Variants in TBX4 observed in about 807,000 individuals in gnomAD.
The protein encoded by TBX4 is T-box transcription factor 4, also known as T-box transcription factor TBX4.
In TBX4, 13 loss-of-function variants were observed where a neutral mutation model predicts 54.6. The ratio of observed to expected loss-of-function variants is 0.24; its 90% confidence interval spans 0.15 to 0.38. The LOEUF is 0.38. Ranked by LOEUF, TBX4 falls within the 10% of genes least tolerant of loss-of-function variation. The probability of loss-of-function intolerance (pLI) is 1.00; values close to 1 mark genes in which losing one functional copy is unlikely to be tolerated. For missense variants in TBX4, 631 were observed against 728.5 expected (o/e 0.87, Z 1.54); for synonymous variants, 314 against 306.7 (o/e 1.02, Z -0.25).
rs76316522 is a variant in TBX4 at position 61,465,649 on chromosome 17, C to T, written c.282-170C>T. The stretch of plus-strand genomic sequence containing the variant: ...CCAGTGCCACCTTTTCACTGTGCAG[C>T]TCGGGCAGAGGGGGAAGTGAGTTGT... On this transcript the variant is annotated intron_variant, in intron 3 of 8. Transcript: ENST00000644296. The surrounding 1 kb of genome is among the most constrained non-coding windows in gnomAD (Gnocchi z 4.9). The T allele has an allele frequency of 0.041, 33,571 of 817,070 alleles. 892 individuals carry two copies. Among genetic ancestry groups the T allele is most frequent in the Middle Eastern group, 0.078 (208 of 2,650 alleles). 50.6% of individuals were successfully genotyped at this position (817,070 alleles called of 1,614,324 possible). A position where few individuals can be genotyped will look rare whatever the true frequency, so the allele number is the denominator to read the frequency against.
At position 61,484,755 on chromosome 17, in the gene TBX4, A is replaced by AATAT. The variant is rs1425511753; in HGVS notation, c.*1246_*1249dup. The AATAT allele has an allele frequency of 6.7e-5, 10 of 148,240 alleles. No homozygotes were observed. Among genetic ancestry groups the AATAT allele is most frequent in the South Asian group, 2.1e-4 (1 of 4,766 alleles). The allele number at this position is 148,240 out of a possible 1,614,324, so 9.2% of individuals were successfully genotyped here. On this transcript the variant is annotated 3_prime_UTR_variant, in exon 9 of 9. Transcript: ENST00000644296. The surrounding 1 kb of genome is among the most constrained non-coding windows in gnomAD (Gnocchi z 4.1). Reference sequence around the variant, plus strand: ...TATTTATATATTATATAAATAAATAAATATATATATTATATATCGCTCTCT... The same window carrying AATAT: ...TATTTATATATTATATAAATAAATAAATATATATATATATTATATATCGCTCTCT...
In TBX4 at chr17:61,483,039, C is replaced by G; in HGVS notation, c.1164C>G (p.Thr388=). 2 of 1,614,092 alleles carry G rather than the reference C, an allele frequency of 1.2e-6. No homozygotes were observed. Among genetic ancestry groups the G allele is most frequent in the Non-Finnish European group, 1.7e-6 (2 of 1,180,012 alleles). ...MLSPSYCSEV[T]PREACMYSGS... ...GCCCCTCCTACTGCAGTGAGGTGACCCCCAGAGAAGCATGTATGTACTCAG... is the reference window on the plus strand; with the variant it reads ...GCCCCTCCTACTGCAGTGAGGTGACGCCCAGAGAAGCATGTATGTACTCAG... The change falls in exon 9 of 9, where the codon ACC becomes ACG. Residue 388 remains threonine, a synonymous_variant. Transcript: ENST00000644296. This position sits in a 1 kb window ranked among gnomAD's most constrained non-coding sequence, Gnocchi z 6.6.
chr17:61,476,429 T>A lies in TBX4; in HGVS notation c.550-2198T>A, dbSNP rs2060620499. On this transcript the variant is annotated intron_variant, in intron 5 of 8. Transcript: ENST00000644296. The surrounding 1 kb of genome is among the most constrained non-coding windows in gnomAD (Gnocchi z 6.5). Reference sequence around the variant, plus strand: ...GAGCTATCGGGCCACCTCCCAGGTATTCCATTGCTGGATCTTCCGGGAACG... The same window carrying A: ...GAGCTATCGGGCCACCTCCCAGGTAATCCATTGCTGGATCTTCCGGGAACG... Among the ~76,000 whole-genome samples the A allele has an allele frequency of 6.6e-6, 1 of 152,250 alleles. No homozygotes were observed. Among genetic ancestry groups the A allele is most frequent in the Non-Finnish European group, 1.5e-5 (1 of 68,044 alleles).
chr17:61,474,715 T>G lies in TBX4; in HGVS notation c.550-3912T>G, dbSNP rs564209825. ...GGGGTTGTTGACGTGGCTGGCCCAT[T>G]TGGCCCCATATCCTCTGCAGCAAAT... On this transcript the variant is annotated intron_variant, in intron 5 of 8. Coordinates refer to ENST00000644296, the MANE Select transcript of TBX4 (RefSeq NM_001321120.2). The surrounding 1 kb of genome is among the most constrained non-coding windows in gnomAD (Gnocchi z 4.6). 2.6e-5 allele frequency among the ~76,000 whole-genome samples: 4 copies of G among 152,350 alleles called. No individual in the cohort carries two copies. The highest frequency in any genetic ancestry group is 6.5e-5 in the Admixed American group (1 of 15,308).
intron 1 of TBX4, among the ~76,000 whole-genome samples, chr17:61,455,018 C>T (rs770031401): frequency 5.9e-5 from 9 of 152,196 alleles, no homozygotes; most frequent in Non-Finnish European, 8.8e-5. Flanking sequence ...TTCCGAGGCT[C>T]GGCCCGCGTT....
rs2060504479 is a variant in TBX4 at position 61,462,600 on chromosome 17, A to T, written c.282-3219A>T. ...GGAGGGGGCTGGCTGGGGCGGACCC[A>T]GAGGTAGAGCGCAGAGTGCCCGGGA... On this transcript the variant is annotated intron_variant, in intron 3 of 8. Transcript: ENST00000644296. This position sits in a 1 kb window ranked among gnomAD's most constrained non-coding sequence, Gnocchi z 4.5. Among the ~76,000 whole-genome samples the T allele has an allele frequency of 6.6e-6, 1 of 152,064 alleles. No homozygotes were observed. The highest frequency in any genetic ancestry group is 6.5e-5 in the Admixed American group (1 of 15,274).
chr17:61,464,569 C>G lies in TBX4; in HGVS notation c.282-1250C>G, dbSNP rs192583444. 8.5e-5 allele frequency among the ~76,000 whole-genome samples: 13 copies of G among 152,312 alleles called. No homozygotes were observed. The highest frequency in any genetic ancestry group is 3.1e-4 in the African/African-American group (13 of 41,570). ...GTGGACCAGCCGGGCAGTGGCACAG[C>G]TCAGTGGGGCTTAGTGTCTTCACTG... is the stretch of plus-strand genomic sequence containing the variant. On this transcript the variant is annotated intron_variant, in intron 3 of 8. Coordinates refer to ENST00000644296, the MANE Select transcript of TBX4 (RefSeq NM_001321120.2). This position sits in a 1 kb window ranked among gnomAD's most constrained non-coding sequence, Gnocchi z 5.8.
At position 61,457,852 on chromosome 17, in the gene TBX4, G is replaced by A. The variant is rs1477139746; in HGVS notation, c.281+221G>A. 2.0e-5 allele frequency among the ~76,000 whole-genome samples: 3 copies of A among 152,212 alleles called. No homozygotes were observed. Among genetic ancestry groups the A allele is most frequent in the Non-Finnish European group, 4.4e-5 (3 of 68,036 alleles). On this transcript the variant is annotated intron_variant, in intron 3 of 8. Coordinates refer to ENST00000644296, the MANE Select transcript of TBX4 (RefSeq NM_001321120.2). The surrounding 1 kb of genome is among the most constrained non-coding windows in gnomAD (Gnocchi z 8.2). Reference sequence around the variant, plus strand: ...GGCCTTGCGGGAAAGACCGAGGGGAGGGGCAGCGCTATGCAAATGAATCCA... The same window carrying A: ...GGCCTTGCGGGAAAGACCGAGGGGAAGGGCAGCGCTATGCAAATGAATCCA...
intron 5 of TBX4, among the ~76,000 whole-genome samples, chr17:61,469,426 C>T (rs35396866): frequency 2.0e-5 from 3 of 152,110 alleles, no homozygotes; most frequent in African/African-American, 4.8e-5. Flanking sequence ...GCCTGCCTGG[C>T]GCTTCCCTTG....
chr17:61,477,941 CAAA>C (rs10617980), intron 5 of TBX4, among the ~76,000 whole-genome samples: 16 of 88,662 alleles, frequency 1.8e-4, no homozygotes, highest in African/African-American at 2.4e-4. Context: ...GATTCCATCT[CAAA>C]AAAAAAAAAA....
intron 1 of TBX4, among the ~76,000 whole-genome samples, chr17:61,454,928 G>A (rs2060435935): frequency 6.6e-6 from 1 of 152,236 alleles, no homozygotes; most frequent in South Asian, 2.1e-4. Flanking sequence ...CGGGGCCCTA[G>A]ATATAGTTGG....
intron 5 of TBX4, among the ~76,000 whole-genome samples, chr17:61,470,283 G>A (rs2060567671): frequency 2.6e-5 from 4 of 152,206 alleles, no homozygotes; most frequent in Admixed American, 2.6e-4. Flanking sequence ...CAAAGAGCAG[G>A]AAGCCCTGAC....
At position 61,481,007 on chromosome 17, in the gene TBX4, A is replaced by T. The variant is rs914193667; in HGVS notation, c.1021+688A>T. Among the ~76,000 whole-genome samples, 2 of 152,184 alleles carry T rather than the reference A, an allele frequency of 1.3e-5. No individual in the cohort carries two copies. Among genetic ancestry groups the T allele is most frequent in the Non-Finnish European group, 1.5e-5 (1 of 68,034 alleles). ...CAGAAGACCTCATGGGGCTGCTGAA[A>T]TTCCCTTCGGAATGAGCCTGGGGAC... On this transcript the variant is annotated intron_variant, in intron 8 of 8. Transcript: ENST00000644296. The surrounding 1 kb of genome is among the most constrained non-coding windows in gnomAD (Gnocchi z 4.8).
rs908767905 is a variant in TBX4 at position 61,460,513 on chromosome 17, C to T, written c.281+2882C>T. Among the ~76,000 whole-genome samples the T allele has an allele frequency of 4.6e-4, 70 of 152,094 alleles. No individual in the cohort carries two copies. The highest frequency in any genetic ancestry group is 1.4e-3 in the African/African-American group (59 of 41,396). On this transcript the variant is annotated intron_variant, in intron 3 of 8. Transcript: ENST00000644296. The surrounding 1 kb of genome is among the most constrained non-coding windows in gnomAD (Gnocchi z 4.4). ...ATAAAATGCCAACCACAGTGGGAGC[C>T]ACCAGTTTCTGAATACTCAGCGACC...
chr17:61,456,483 C>A lies in TBX4; in HGVS notation c.-3-5C>A, dbSNP rs765350383. 7.7e-6 allele frequency: 12 copies of A among 1,566,536 alleles called. No individual in the cohort carries two copies. The highest frequency in any genetic ancestry group is 1.0e-5 in the Non-Finnish European group (12 of 1,156,096). Reference sequence around the variant, plus strand: ...CGAGTGACTCGTTGTGTGCTGTGCCCGCAGGAGATGCTGCAGGATAAGGGC... The same window carrying A: ...CGAGTGACTCGTTGTGTGCTGTGCCAGCAGGAGATGCTGCAGGATAAGGGC... On this transcript the variant is annotated splice_polypyrimidine_tract_variant and splice_region_variant and intron_variant, in intron 1 of 8. Coordinates refer to ENST00000644296, the MANE Select transcript of TBX4 (RefSeq NM_001321120.2).
Position 61,483,338 on chromosome 17 carries a change from C to T in TBX4, c.1463C>T (p.Pro488Leu), listed in dbSNP as rs776086286. ...LSQSQVRERG[P>L]SASFPRERGL... ...CAGTCTCAGGTCCGAGAGCGGGGGCCCAGCGCCTCATTCCCAAGAGAGCGC... is the reference window on the plus strand; with the variant it reads ...CAGTCTCAGGTCCGAGAGCGGGGGCTCAGCGCCTCATTCCCAAGAGAGCGC... Residue 488 changes from proline (P) to leucine (L), a missense_variant, in exon 9 of 9, where the codon CCC becomes CTC. This residue lies in a region of TBX4 where 354 missense variants were observed against 368.9 expected (regional missense o/e 0.96). Transcript: ENST00000644296. This position sits in a 1 kb window ranked among gnomAD's most constrained non-coding sequence, Gnocchi z 6.6. 3.7e-6 allele frequency: 6 copies of T among 1,609,656 alleles called. No homozygotes were observed. The highest frequency in any genetic ancestry group is 5.1e-6 in the Non-Finnish European group (6 of 1,176,598).
At chr17:61,473,118 A>T (rs76965169) in intron 5 of TBX4, among the ~76,000 whole-genome samples, 1 of 152,168 alleles carries the variant, frequency 6.6e-6, no homozygotes, top group African/African-American at 2.4e-5. Flanking sequence ...TTACTTAGAG[A>T]AGACTGATAG....
intron 1 of TBX4, among the ~76,000 whole-genome samples, chr17:61,453,906 G>A (rs1055778805): frequency 3.3e-5 from 5 of 152,174 alleles, no homozygotes; most frequent in Non-Finnish European, 7.4e-5. Flanking sequence ...TTGAAACAGC[G>A]TGACAAAGTA....
chr17:61,477,199 C>T (rs775271884), intron 5 of TBX4, among the ~76,000 whole-genome samples: 4 of 152,222 alleles, frequency 2.6e-5, no homozygotes, highest in Non-Finnish European at 5.9e-5. Flanking sequence ...TAACAGAAGC[C>T]GCAGGGCTGA....
Sources: allele counts gnomAD v4.1 joint callset (sites outside exome capture counted in the v4.1 genomes callset), GRCh38; gene constraint gnomAD v4.1.1; regional missense constraint gnomAD v4.1.1; non-coding constraint Gnocchi (gnomAD v3.1); transcripts MANE v1.5; gene names NCBI Gene and HGNC (gene_info 2026-07-23, HGNC 2026-07-21).